The following TTLL11 variants were observed in gnomAD, a reference collection of about 807,000 sequenced individuals.
TTLL11 encodes tubulin polyglutamylase TTLL11.
A neutral mutation model predicts 51.7 loss-of-function variants in TTLL11; 42 were observed. The observed-to-expected ratio is 0.81, with a 90% CI of 0.64 to 1.05. The LOEUF (loss-of-function observed/expected upper bound fraction) is 1.05. Ranked by LOEUF, TTLL11 falls within the 50% of genes least tolerant of loss-of-function variation. The pLI is 0.00. For synonymous variants in TTLL11, 381 were observed against 383.5 expected (o/e 0.99, Z 0.08); for missense variants, 799 against 940.4 (o/e 0.85, Z 1.97).
At chr9:122,028,680 T>A (rs753839200) in intron 3 of TTLL11, among the ~76,000 whole-genome samples, 1 of 152,204 alleles carries the variant, frequency 6.6e-6, no homozygotes, top group Non-Finnish European at 1.5e-5. Context: ...CTTGGCCTAA[T>A]TGACACTTAT....
At chr9:122,066,614 C>T (rs147837988) in intron 1 of TTLL11, among the ~76,000 whole-genome samples, 1 of 152,152 alleles carries the variant, frequency 6.6e-6, no homozygotes, top group East Asian at 1.9e-4. Context: ...CTCCACTAAG[C>T]TTAGAGAGGC....
intron 7 of TTLL11, among the ~76,000 whole-genome samples, chr9:121,865,578 C>T (rs1838153052): frequency 6.6e-6 from 1 of 152,052 alleles, no homozygotes; most frequent in African/African-American, 2.4e-5. Context: ...TAGATGCCCC[C>T]CAAATCAGTA....
chr9:122,039,886 TCA>T (rs1003923196), intron 1 of TTLL11, among the ~76,000 whole-genome samples: 19 of 147,860 alleles, frequency 1.3e-4, no homozygotes, highest in African/African-American at 4.5e-4. Flanking sequence ...TCTCTCTCTC[TCA>T]CACACACACA....
At chr9:121,896,429 C>T (rs1272906486) in intron 6 of TTLL11, among the ~76,000 whole-genome samples, 1 of 152,186 alleles carries the variant, frequency 6.6e-6, no homozygotes, top group Non-Finnish European at 1.5e-5. Context: ...CAGCTGCTGC[C>T]CTCAGCTCTC....
chr9:122,058,017 T>C (rs1845337837), intron 1 of TTLL11, among the ~76,000 whole-genome samples: 1 of 152,168 alleles, frequency 6.6e-6, no homozygotes, highest in South Asian at 2.1e-4. Context: ...TTCTAGCAGG[T>C]GAGGGCCAAA....
At chr9:121,935,208 C>T (rs906071267) in intron 6 of TTLL11, among the ~76,000 whole-genome samples, 1 of 152,104 alleles carries the variant, frequency 6.6e-6, no homozygotes. Flanking sequence ...CCGCCCGCCT[C>T]GGCCTCCCAA....
chr9:121,887,862 G>A (rs1366875753), intron 6 of TTLL11, among the ~76,000 whole-genome samples: 1 of 152,166 alleles, frequency 6.6e-6, no homozygotes, highest in Non-Finnish European at 1.5e-5. Context: ...TACATCTGGT[G>A]TCTGGTGTGC....
intron 1 of TTLL11, among the ~76,000 whole-genome samples, chr9:122,047,833 C>T (rs943186221): frequency 4.6e-5 from 7 of 152,134 alleles, no homozygotes; most frequent in African/African-American, 1.4e-4. Context: ...ATTTCTAGGG[C>T]TAGGGACAAT....
chr9:121,941,455 A>T (rs897275154), intron 6 of TTLL11, among the ~76,000 whole-genome samples: 1 of 152,204 alleles, frequency 6.6e-6, no homozygotes, highest in Non-Finnish European at 1.5e-5. Context: ...CACGTGTCTT[A>T]AAGTCAACCT....
Position 121,901,954 on chromosome 9 carries a change from T to G in TTLL11, c.1482-31206A>C, listed in dbSNP as rs111337532. Among the ~76,000 whole-genome samples, 217 of 152,238 alleles carry G rather than the reference T, an allele frequency of 1.4e-3. 1 individual carries two copies. Among genetic ancestry groups the G allele is most frequent in the Middle Eastern group, 0.01 (3 of 294 alleles). ...CACATTCCTACATTAAATTTTTTAT[T>G]TTTTATTTATTTATTTTTTAGCCAG... On this transcript the variant is annotated intron_variant, in intron 6 of 8. Transcript: ENST00000321582.
At chr9:121,903,490 C>G (rs1839836890) in intron 6 of TTLL11, among the ~76,000 whole-genome samples, 1 of 152,236 alleles carries the variant, frequency 6.6e-6, no homozygotes, top group South Asian at 2.1e-4. Flanking sequence ...CATCCCAACT[C>G]TGTCACTGAG....
chr9:122,037,966 C>T (rs975287800), intron 2 of TTLL11, among the ~76,000 whole-genome samples: 8 of 152,060 alleles, frequency 5.3e-5, no homozygotes, highest in African/African-American at 1.7e-4. Flanking sequence ...TTCTTAAAGA[C>T]GTGGGATAGA....
chr9:121,999,664 G>C (rs775997677), intron 3 of TTLL11, among the ~76,000 whole-genome samples: 7 of 152,160 alleles, frequency 4.6e-5, no homozygotes, highest in Non-Finnish European at 4.4e-5. Context: ...AAGCAACCCT[G>C]TGAGATAGGC....
chr9:121,828,452 G>A (rs1213378753), intron 8 of TTLL11, among the ~76,000 whole-genome samples: 3 of 152,090 alleles, frequency 2.0e-5, no homozygotes, highest in Non-Finnish European at 1.5e-5. Context: ...TGGTATTACA[G>A]GCATGAGCCA....
At chr9:122,045,986 C>A (rs1212388602) in intron 1 of TTLL11, among the ~76,000 whole-genome samples, 6 of 152,158 alleles carry the variant, frequency 3.9e-5, no homozygotes, top group African/African-American at 1.4e-4. Flanking sequence ...GATGGTTGGA[C>A]AGCAGTGTGA....
intron 1 of TTLL11, among the ~76,000 whole-genome samples, chr9:122,089,645 C>T (rs748866754): frequency 9.2e-5 from 14 of 152,160 alleles, no homozygotes; most frequent in Non-Finnish European, 1.8e-4. Flanking sequence ...ATTTATTGAG[C>T]ACCTAGAATA....
chr9:121,895,642 AGT>A (rs530405671), intron 6 of TTLL11, among the ~76,000 whole-genome samples: 5,301 of 100,848 alleles, frequency 0.053, 104 homozygotes, highest in African/African-American at 0.07. Context: ...TGTGCTTATG[AGT>A]GTGTGTGTAT....
At chr9:122,003,168 T>C (rs1843529497) in intron 3 of TTLL11, among the ~76,000 whole-genome samples, 1 of 152,062 alleles carries the variant, frequency 6.6e-6, no homozygotes, top group South Asian at 2.1e-4. Flanking sequence ...GCAAGGTATG[T>C]GTTACTCAAT....
intron 3 of TTLL11, among the ~76,000 whole-genome samples, chr9:121,993,940 T>A (rs916001802): frequency 2.6e-5 from 4 of 152,176 alleles, no homozygotes; most frequent in Admixed American, 1.3e-4. Context: ...ACGCTACAGA[T>A]CTCAGGCAAA....
Sources: gnomAD v4.1 joint callset for allele counts (sites outside exome capture counted in the v4.1 genomes callset) on GRCh38, gnomAD v4.1.1 for gene constraint, MANE v1.5 for transcripts, NCBI Gene and HGNC (gene_info 2026-07-23, HGNC 2026-07-21) for gene names.